The following SETD1A variants were observed in gnomAD, a reference collection of about 807,000 sequenced individuals.
SETD1A encodes histone-lysine N-methyltransferase SETD1A.
SETD1A carries 29 observed loss-of-function variants against 149.9 expected under a neutral mutation model. The observed-to-expected ratio is 0.19, with a 90% CI of 0.14 to 0.26. The LOEUF is 0.26. Among genes scored for constraint, SETD1A ranks in the 10% least tolerant of loss-of-function variants. The pLI, the probability that SETD1A is intolerant of heterozygous loss-of-function variation, is 1.00. For synonymous variants in SETD1A, 1,141 were observed against 968.5 expected (o/e 1.18, Z -3.31); for missense variants, 2,109 against 2,353.1 (o/e 0.90, Z 2.15).
intron 4 of SETD1A, among the ~76,000 whole-genome samples, chr16:30,963,126 G>A (rs1205368778): frequency 3.3e-5 from 5 of 152,222 alleles, no homozygotes; most frequent in Non-Finnish European, 5.9e-5. Context: ...GTGACTTTGT[G>A]TAGGTCGCTT....
In SETD1A at chr16:30,979,792, C is replaced by T. The variant is rs2056341514; in HGVS notation, c.4006C>T (p.Leu1336=). 6.3e-7 allele frequency: 1 copy of T among 1,582,226 alleles called. No individual in the cohort carries two copies. Among genetic ancestry groups the T allele is most frequent in the Non-Finnish European group, 8.5e-7 (1 of 1,171,348 alleles). The change falls in exon 14 of 19, where the codon CTG becomes TTG. Residue 1336 remains leucine, a synonymous_variant. Transcript: ENST00000262519. ...ALFSSPADEV[L]EAPEVVVAEA... ...CTTCAGTTCCCCAGCTGATGAGGTCCTGGAGGCCCCCGAGGTGGTGGTGGC... is the reference window on the plus strand; with the variant it reads ...CTTCAGTTCCCCAGCTGATGAGGTCTTGGAGGCCCCCGAGGTGGTGGTGGC...
At chr16:30,960,608 G>A (rs1274045422) in intron 3 of SETD1A, among the ~76,000 whole-genome samples, 3 of 151,768 alleles carry the variant, frequency 2.0e-5, no homozygotes, top group Admixed American at 6.6e-5. Flanking sequence ...TTCTATCTCT[G>A]TATTTCCAGT....
In SETD1A at chr16:30,979,675, C is replaced by T. The variant is rs903402353; in HGVS notation, c.3889C>T (p.Leu1297Phe). 3.1e-6 allele frequency: 5 copies of T among 1,608,264 alleles called. No homozygotes were observed. Among genetic ancestry groups the T allele is most frequent in the Non-Finnish European group, 3.4e-6 (4 of 1,179,690 alleles). Residue 1297 changes from leucine (L) to phenylalanine (F), a missense_variant, in exon 14 of 19, where the codon CTC becomes TTC. Leu to Phe is a conservative substitution (Grantham distance 22). This residue lies in a region of SETD1A where 832 missense variants were observed against 815.6 expected (regional missense o/e 1.02). Coordinates refer to ENST00000262519, the MANE Select transcript of SETD1A (RefSeq NM_014712.3). ...CCCTAGGCCCCTGCTCAGCCACATC[C>T]TCCTGGAGCACAACTATGCCCTGGC... ...ERPRPLLSHI[L>F]LEHNYALAVK...
rs1285506383 is a variant in SETD1A, at chr16:30,966,113, A to G, written c.2232A>G (p.Ser744=). 5.0e-6 allele frequency: 8 copies of G among 1,599,024 alleles called. No individual in the cohort carries two copies. Among genetic ancestry groups the G allele is most frequent in the Non-Finnish European group, 6.8e-6 (8 of 1,171,398 alleles). The stretch of plus-strand genomic sequence containing the variant: ...GGCAGGAGGGCAGAGGGGCATACTC[A>G]CGGGAGGCCTACCACCTGCCCATGC... ...AQGQEGRGAY[S]REAYHLPMPM... is the part of the protein sequence containing the mutation. Residue 744 remains serine (S), a synonymous_variant, in exon 8 of 19, where the codon TCA becomes TCG. Coordinates refer to ENST00000262519, the MANE Select transcript of SETD1A (RefSeq NM_014712.3).
At position 30,971,471 on chromosome 16, in the gene SETD1A, G is replaced by A. The variant is rs1439711055; in HGVS notation, c.3110G>A (p.Ser1037Asn). The A allele has an allele frequency of 6.2e-7, 1 of 1,613,994 alleles. No homozygotes were observed. The highest frequency in any genetic ancestry group is 1.3e-5 in the African/African-American group (1 of 75,052). ...NDSTSDSESS[S>N]SSSSSSSSSS... ...AGCACATCAGACTCCGAGAGCAGCAGCTCTTCCAGCTCCTCATCCTCCTCC... is the reference window on the plus strand; with the variant it reads ...AGCACATCAGACTCCGAGAGCAGCAACTCTTCCAGCTCCTCATCCTCCTCC... Residue 1037 changes from serine to asparagine, a missense_variant, in exon 13 of 19, where the codon AGC becomes AAC. Around this residue, in one of 8 missense-constraint regions of SETD1A, gnomAD observed 832 missense variants for 815.6 expected, o/e 1.02. Coordinates refer to ENST00000262519, the MANE Select transcript of SETD1A (RefSeq NM_014712.3).
chr16:30,965,069 G>A lies in SETD1A; in HGVS notation c.1327G>A (p.Gly443Ser), dbSNP rs753993234. 4 of 1,611,590 alleles carry A rather than the reference G, an allele frequency of 2.5e-6. No homozygotes were observed. The African/African-American group carries it at 5.3e-5, about 21-fold the overall frequency. The stretch of plus-strand genomic sequence containing the variant: ...CCCGGAGCCTCCAGAACCTGGTGGA[G>A]GCGGGGGTGGAGGAGGGCCCAGCCC... Reference protein sequence around the residue: ...PPPEPPEPGGGGGGGGPSPER... With the variant: ...PPPEPPEPGGSGGGGGPSPER... Residue 443 changes from glycine (G) to serine (S), a missense_variant, in exon 7 of 19, where the codon GGC (glycine) becomes AGC (serine). Gly to Ser is a moderately conservative substitution (Grantham distance 56). This residue lies in a region of SETD1A where 410 missense variants were observed against 394.8 expected (regional missense o/e 1.04). Transcript: ENST00000262519.
chr16:30,965,766 C>G lies in SETD1A; in HGVS notation c.1885C>G (p.Gln629Glu), dbSNP rs2143500152. 6.3e-7 allele frequency: 1 copy of G among 1,587,556 alleles called. No individual in the cohort carries two copies. Among genetic ancestry groups the G allele is most frequent in the East Asian group, 2.3e-5 (1 of 44,344 alleles). The change falls in exon 8 of 19, where the codon CAA becomes GAA. Residue 629 changes from glutamine to glutamate, a missense_variant. By Grantham distance (29) the Gln-to-Glu change is conservative. This residue lies in a region of SETD1A where 431 missense variants were observed against 388.6 expected (regional missense o/e 1.11). Transcript: ENST00000262519. ...CCTTCCTCTTGGTTATCCTCCCCAC[C>G]AACCTGCCTACCTCCTCCCACCCAG... ...ASLPLGYPPH[Q>E]PAYLLPPRPD... is the part of the protein sequence containing the mutation.
Position 30,957,818 on chromosome 16 carries a change from C to CA in SETD1A, c.-160dup, listed in dbSNP as rs2055983054. 1 of 152,204 alleles carries CA rather than the reference C, an allele frequency of 6.6e-6. No individual in the cohort carries two copies. Among genetic ancestry groups the CA allele is most frequent in the South Asian group, 2.1e-4 (1 of 4,832 alleles). The allele number at this position is 152,204 out of a possible 1,614,324, so 9.4% of individuals were successfully genotyped here. ...AAGCCGACTCTCCGGGGGATGCGGCCAATCTCCAAGCTCCCTGGGCCGCAA... is the reference window on the plus strand; with the variant it reads ...AAGCCGACTCTCCGGGGGATGCGGCCAAATCTCCAAGCTCCCTGGGCCGCAA... On this transcript the variant is annotated 5_prime_UTR_variant, in exon 1 of 19. An upstream open reading frame in the 5' UTR loses its in-frame stop. Coordinates refer to ENST00000262519, the MANE Select transcript of SETD1A (RefSeq NM_014712.3).
At chr16:30,967,654 A>G (rs2143514480) in intron 10 of SETD1A, 66 bp downstream of exon 10, 1 of 1,396,234 alleles carries the variant, frequency 7.2e-7, no homozygotes. Flanking sequence ...AGCAAGAGGT[A>G]GGGATGAAGG....
rs535468968 is a variant in SETD1A, at chr16:30,982,418, T to G, written c.4813-1217T>G. Among the ~76,000 whole-genome samples the G allele has an allele frequency of 4.0e-5, 6 of 151,732 alleles. No homozygotes were observed. In the South Asian group the frequency reaches 1.2e-3, roughly 32 times the overall value. On this transcript the variant is annotated intron_variant, in intron 17 of 18. Transcript: ENST00000262519. ...AGGGAGGCTGAGGCAGGAGAATCGC[T>G]TGGACCTGGGAGGCAGAGGTTGCAG...
intron 10 of SETD1A, among the ~76,000 whole-genome samples, chr16:30,968,469 TACAC>T (rs1316752085): frequency 6.0e-5 from 9 of 149,502 alleles, no homozygotes; most frequent in Admixed American, 1.3e-4. Context: ...CACAAATATA[TACAC>T]ACACACATAT....
chr16:30,974,012 A>G (rs1251197403), intron 13 of SETD1A, among the ~76,000 whole-genome samples: 1 of 152,114 alleles, frequency 6.6e-6, no homozygotes, highest in Non-Finnish European at 1.5e-5. Flanking sequence ...TTTGGAAGAG[A>G]GGAGCAAGGA....
intron 4 of SETD1A, among the ~76,000 whole-genome samples, chr16:30,962,518 G>A (rs1410369367): frequency 6.6e-6 from 1 of 152,232 alleles, no homozygotes; most frequent in East Asian, 1.9e-4. Context: ...GGGCTTCTGT[G>A]TTGAGTGATG....
Position 30,965,075 on chromosome 16 carries a change from G to A in SETD1A, c.1333G>A (p.Gly445Ser), listed in dbSNP as rs1253470401. 2.5e-6 allele frequency: 4 copies of A among 1,611,308 alleles called. No homozygotes were observed. Among genetic ancestry groups the A allele is most frequent in the East Asian group, 2.2e-5 (1 of 44,868 alleles). ...PEPPEPGGGGGGGGPSPEREE... is the reference protein window; with the variant it reads ...PEPPEPGGGGSGGGPSPEREE... ...GCCTCCAGAACCTGGTGGAGGCGGG[G>A]GTGGAGGAGGGCCCAGCCCTGAGAG... The change falls in exon 7 of 19, where the codon GGT (glycine) becomes AGT (serine). Residue 445 changes from glycine (G) to serine (S), a missense_variant. Gly to Ser is a moderately conservative substitution (Grantham distance 56, BLOSUM62 0). This residue lies in a region of SETD1A where 410 missense variants were observed against 394.8 expected (regional missense o/e 1.04). Transcript: ENST00000262519.
At chr16:30,960,252 T>C (rs2056031188) in intron 3 of SETD1A, among the ~76,000 whole-genome samples, 1 of 152,220 alleles carries the variant, frequency 6.6e-6, no homozygotes, top group Non-Finnish European at 1.5e-5. Flanking sequence ...GCCAAGTCCA[T>C]GTTTTGGGAC....
At chr16:30,975,654 C>T (rs1226700623) in intron 13 of SETD1A, among the ~76,000 whole-genome samples, 5 of 151,964 alleles carry the variant, frequency 3.3e-5, no homozygotes, top group African/African-American at 1.2e-4. Flanking sequence ...TGGTCTCAAA[C>T]CCCTGACCTC....
In SETD1A at chr16:30,983,187, G is replaced by A. The variant is rs551456844; in HGVS notation, c.4813-448G>A. On this transcript the variant is annotated intron_variant, in intron 17 of 18. Coordinates refer to ENST00000262519, the MANE Select transcript of SETD1A (RefSeq NM_014712.3). The surrounding 1 kb of genome is among the most constrained non-coding windows in gnomAD (Gnocchi z 6.8). ...ACACGGAGGTGCGGGGCCTGACATG[G>A]GCGGCCTGCCATTTGCATTAGCCGG... Among the ~76,000 whole-genome samples the A allele has an allele frequency of 6.6e-6, 1 of 152,284 alleles. No homozygotes were observed. The highest frequency in any genetic ancestry group is 2.1e-4 in the South Asian group (1 of 4,820).
At chr16:30,978,326 A>G (rs572344524) in intron 13 of SETD1A, among the ~76,000 whole-genome samples, 2 of 151,808 alleles carry the variant, frequency 1.3e-5, no homozygotes, top group East Asian at 3.9e-4. Context: ...TGAGGATTAC[A>G]TGAGTTACTC....
In SETD1A at chr16:30,979,988, GCCGCCCT is replaced by G; in HGVS notation, c.4209_4215del (p.Pro1404HisfsTer19). On this transcript the variant is annotated frameshift_variant, in exon 14 of 19. Coordinates refer to ENST00000262519, the MANE Select transcript of SETD1A (RefSeq NM_014712.3). LOFTEE classifies it high-confidence loss of function. ...AGCCTCCGCTCCCACGCCCGGCGCC[GCCGCCCT>G]CCGCCCCCACCCCCGCCGCCACCGC... 1 of 1,494,242 alleles carries G rather than the reference GCCGCCCT, an allele frequency of 6.7e-7. No individual in the cohort carries two copies. Among genetic ancestry groups the G allele is most frequent in the Non-Finnish European group, 8.9e-7 (1 of 1,126,960 alleles). 92.6% of individuals were successfully genotyped at this position (1,494,242 alleles called of 1,614,324 possible). A position where few individuals can be genotyped will look rare whatever the true frequency, so the allele number is the denominator to read the frequency against.
Sources: gnomAD v4.1 joint callset for allele counts (sites outside exome capture counted in the v4.1 genomes callset) on GRCh38, gnomAD v4.1.1 for gene constraint, gnomAD v4.1.1 regional missense constraint, Gnocchi (gnomAD v3.1) non-coding constraint, MANE v1.5 for transcripts, NCBI Gene and HGNC (gene_info 2026-07-23, HGNC 2026-07-21) for gene names.